The following ARSB variants were observed in gnomAD, a reference collection of about 807,000 sequenced individuals.
ARSB encodes the protein N-acetylgalactosamine-4-sulfatase.
In ARSB, 41 loss-of-function variants were observed where a neutral mutation model predicts 50.9. That is an observed-to-expected ratio of 0.81 (90% CI 0.63 to 1.04). The LOEUF is 1.04. Among genes scored for constraint, ARSB ranks in the 50% least tolerant of loss-of-function variants. The pLI is 0.00. For missense variants in ARSB, 672 were observed against 693.3 expected (o/e 0.97, Z 0.35); for synonymous variants, 269 against 284.8 (o/e 0.94, Z 0.56).
chr5:78,837,698 T>C (rs1274498238), intron 6 of ARSB, among the ~76,000 whole-genome samples: 1 of 152,216 alleles, frequency 6.6e-6, no homozygotes. Flanking sequence ...ATTGTATGCA[T>C]ATAATACATA....
chr5:78,962,524 A>ATTTGTTTTTTTT (rs1752034519), intron 3 of ARSB, among the ~76,000 whole-genome samples: 1 of 106,222 alleles, frequency 9.4e-6, no homozygotes, highest in African/African-American at 4.0e-5. Flanking sequence ...CATGTGCTCG[A>ATTTGTTTTTTTT]TTTTTTTTTT....
At chr5:78,927,279 T>C (rs1167317588) in intron 4 of ARSB, among the ~76,000 whole-genome samples, 1 of 152,236 alleles carries the variant, frequency 6.6e-6, no homozygotes, top group Non-Finnish European at 1.5e-5. Context: ...TATTTTTTCA[T>C]ATCATCTTTG....
At chr5:78,964,640 G>T in intron 2 of ARSB, 34 bp from the exon 3 acceptor site, 1 of 1,593,322 alleles carries the variant, frequency 6.3e-7, no homozygotes, top group Non-Finnish European at 8.6e-7. Flanking sequence ...AGTCAGCATA[G>T]CATAAAACTT....
At chr5:78,854,175 C>T (rs552083999) in intron 5 of ARSB, among the ~76,000 whole-genome samples, 10 of 152,338 alleles carry the variant, frequency 6.6e-5, no homozygotes, top group South Asian at 4.1e-4. Flanking sequence ...AGCTGTAGAC[C>T]GGAGCTGTTC....
At chr5:78,852,240 A>T (rs547482638) in intron 5 of ARSB, among the ~76,000 whole-genome samples, 2 of 152,280 alleles carry the variant, frequency 1.3e-5, no homozygotes, top group East Asian at 3.9e-4. Context: ...GAGCTCTTTT[A>T]GGACAGGCCT....
intron 5 of ARSB, among the ~76,000 whole-genome samples, chr5:78,863,962 A>G (rs1214711416): frequency 6.6e-6 from 1 of 151,928 alleles, no homozygotes; most frequent in Non-Finnish European, 1.5e-5. Flanking sequence ...TAAATTTAAA[A>G]TCCCTTCATA....
chr5:78,802,447 G>T (rs1743426758), intron 6 of ARSB, among the ~76,000 whole-genome samples: 1 of 152,144 alleles, frequency 6.6e-6, no homozygotes, highest in South Asian at 2.1e-4. Flanking sequence ...AGCACCGTGT[G>T]GGTGTTTGAG....
At chr5:78,924,042 G>T (rs889452839) in intron 4 of ARSB, among the ~76,000 whole-genome samples, 11 of 152,104 alleles carry the variant, frequency 7.2e-5, no homozygotes, top group Admixed American at 1.3e-4. Flanking sequence ...CCTAAACATG[G>T]ATATAATATT....
At chr5:78,797,176 C>A (rs941197041) in intron 6 of ARSB, among the ~76,000 whole-genome samples, 1 of 152,108 alleles carries the variant, frequency 6.6e-6, no homozygotes, top group Non-Finnish European at 1.5e-5. Context: ...CCGCGCCCGG[C>A]AGGTCTCGAT....
At chr5:78,968,503 C>A (rs747777616) in intron 2 of ARSB, among the ~76,000 whole-genome samples, 1 of 151,924 alleles carries the variant, frequency 6.6e-6, no homozygotes, top group Non-Finnish European at 1.5e-5. Flanking sequence ...CAAGTGCCAC[C>A]ATGCCCGGTT....
At chr5:78,810,522 G>T (rs998561676) in intron 6 of ARSB, among the ~76,000 whole-genome samples, 4 of 152,326 alleles carry the variant, frequency 2.6e-5, no homozygotes, top group African/African-American at 7.2e-5. Context: ...AGTTTGGCAG[G>T]GGGTAGAGTT....
rs1345272774 is a variant in ARSB, at chr5:78,779,926, G to A, written c.*471C>T. The A allele has an allele frequency of 4.7e-6, 1 of 212,008 alleles. No individual in the cohort carries two copies. Among genetic ancestry groups the A allele is most frequent in the African/African-American group, 2.3e-5 (1 of 43,016 alleles). The allele number at this position is 212,008 out of a possible 1,614,324, so 13.1% of individuals were successfully genotyped here. On this transcript the variant is annotated 3_prime_UTR_variant, in exon 8 of 8. Transcript: ENST00000264914. Reference sequence around the variant, plus strand: ...GAGGGGTGGTTCACTTGGAGTGCCTGAACATGATCCTTCACCGACAGGGAG... The same window carrying A: ...GAGGGGTGGTTCACTTGGAGTGCCTAAACATGATCCTTCACCGACAGGGAG...
chr5:78,968,319 TTATTA>T (rs1580141988), intron 2 of ARSB, among the ~76,000 whole-genome samples: 65 of 8,854 alleles, frequency 7.3e-3, no homozygotes, highest in African/African-American at 0.046. Context: ...TTTTATTTTA[TTATTA>T]TTATTATTAT....
chr5:78,803,728 A>G (rs915684251), intron 6 of ARSB, among the ~76,000 whole-genome samples: 1 of 152,246 alleles, frequency 6.6e-6, no homozygotes, highest in African/African-American at 2.4e-5. Flanking sequence ...GCTACAAATG[A>G]TGCAAGTGCT....
chr5:78,975,460 G>A lies in ARSB; in HGVS notation c.313-6268C>T, dbSNP rs532000996. ...AAATGTCTTGTCCATTTATCAGTGT[G>A]ATTAAGAAAAATGTGGTTTGGATCC... is the stretch of plus-strand genomic sequence containing the variant. On this transcript the variant is annotated intron_variant, in intron 1 of 7. Coordinates refer to ENST00000264914, the MANE Select transcript of ARSB (RefSeq NM_000046.5). 1.1e-4 allele frequency among the ~76,000 whole-genome samples: 16 copies of A among 152,312 alleles called. No homozygotes were observed. In the East Asian group the frequency reaches 3.1e-3, roughly 29 times the overall value.
At chr5:78,954,355 G>T (rs1430019914) in intron 4 of ARSB, among the ~76,000 whole-genome samples, 2 of 152,168 alleles carry the variant, frequency 1.3e-5, no homozygotes, top group African/African-American at 2.4e-5. Flanking sequence ...CGTCTCTAAT[G>T]AGAGGGGGAA....
At position 78,818,598 on chromosome 5, in the gene ARSB, C is replaced by CTTTTTTTTT. The variant is rs775162579; in HGVS notation, c.1213+20749_1213+20757dup. On this transcript the variant is annotated intron_variant, in intron 6 of 7. Transcript: ENST00000264914. ...TGGAAAGAACCCATAAAATAAAGCT[C>CTTTTTTTTT]TTTTTTTTTTTTTTTTTTTTTTTTT... 7.1e-4 allele frequency among the ~76,000 whole-genome samples: 53 copies of CTTTTTTTTT among 74,190 alleles called. 3 individuals are homozygous for CTTTTTTTTT. Among genetic ancestry groups the CTTTTTTTTT allele is most frequent in the East Asian group, 1.0e-3 (2 of 1,960 alleles). The allele number at this position is 74,190 out of a possible 152,430, so 48.7% of individuals were successfully genotyped here.
At chr5:78,783,300 A>G (rs1350132081) in intron 6 of ARSB, 1 of 151,976 alleles carries the variant, frequency 6.6e-6, no homozygotes, top group Non-Finnish European at 1.5e-5. Context: ...AGACTTTGAG[A>G]GAGCCCTTAT....
In ARSB at chr5:78,833,233, C is replaced by G. The variant is rs180999824; in HGVS notation, c.1213+6123G>C. On this transcript the variant is annotated intron_variant, in intron 6 of 7. Coordinates refer to ENST00000264914, the MANE Select transcript of ARSB (RefSeq NM_000046.5). ...CCCTGGGATTATGGCTGTTCCCCAC[C>G]ACTTTAGAGGTTTCCAGGCTTTCCC... is the stretch of plus-strand genomic sequence containing the variant. 3.7e-3 allele frequency among the ~76,000 whole-genome samples: 567 copies of G among 152,260 alleles called. 2 individuals carry two copies. The highest frequency in any genetic ancestry group is 5.7e-3 in the Non-Finnish European group (387 of 68,020).
Sources: allele counts gnomAD v4.1 joint callset (sites outside exome capture counted in the v4.1 genomes callset), GRCh38; gene constraint gnomAD v4.1.1; transcripts MANE v1.5; gene names NCBI Gene and HGNC (gene_info 2026-07-23, HGNC 2026-07-21).